The following PRKRIP1 variants were observed in gnomAD, a reference collection of about 807,000 sequenced individuals.
PRKRIP1 encodes PRKR interacting protein 1.
Under a neutral mutation model 29.3 loss-of-function variants are expected in PRKRIP1, and 29 were observed. That is an observed-to-expected ratio of 0.99 (90% confidence interval 0.74 to 1.35). The LOEUF is 1.35. Ranked by LOEUF, PRKRIP1 falls within the 40% of genes most tolerant of loss-of-function variation. PRKRIP1 has a pLI of 0.00. For missense variants in PRKRIP1, 247 were observed against 236.8 expected (o/e 1.04, Z -0.28); for synonymous variants, 90 against 85.1 (o/e 1.06, Z -0.32).
At chr7:102,398,751 A>G (rs1795986090) in intron 2 of PRKRIP1, among the ~76,000 whole-genome samples, 2 of 152,218 alleles carry the variant, frequency 1.3e-5, no homozygotes, top group Non-Finnish European at 1.5e-5. Context: ...AAAGGGAATC[A>G]TGTAAATTCT....
intron 3 of PRKRIP1, among the ~76,000 whole-genome samples, chr7:102,402,364 G>GA (rs1563613363): frequency 6.6e-6 from 1 of 151,854 alleles, no homozygotes; most frequent in Non-Finnish European, 1.5e-5. Flanking sequence ...CTTGAGCCTG[G>GA]ACGGTCAAGG....
rs539781167 is a variant in PRKRIP1 at position 102,405,549 on chromosome 7, C to A, written c.392+866C>A. ...GGCTGAGGCTGCAGTGAGTTATGAT[C>A]GCACCACTACACTCCAGCCTGGGTG... On this transcript the variant is annotated intron_variant, in intron 4 of 5. Coordinates refer to ENST00000397912, the MANE Select transcript of PRKRIP1 (RefSeq NM_024653.4). 5.6e-4 allele frequency among the ~76,000 whole-genome samples: 85 copies of A among 152,224 alleles called. 3 individuals carry two copies. In the South Asian group the frequency reaches 0.017, roughly 31 times the overall value.
chr7:102,399,635 C>T lies in PRKRIP1; in HGVS notation c.293C>T (p.Ala98Val). Residue 98 changes from alanine (A) to valine (V), a missense_variant, in exon 3 of 6, where the codon GCC becomes GTC. Ala to Val is a moderately conservative substitution (Grantham distance 64). Transcript: ENST00000397912. ...TATCAGCGACAGGACTACATGGATGCCATGGCTGAGAAGGTCAGTGAGCCA... is the reference window on the plus strand; with the variant it reads ...TATCAGCGACAGGACTACATGGATGTCATGGCTGAGAAGGTCAGTGAGCCA... ...REYQRQDYMD[A>V]MAEKQKLDAE... 8 of 1,613,140 alleles carry T rather than the reference C, an allele frequency of 5.0e-6. No individual in the cohort carries two copies. Among genetic ancestry groups the T allele is most frequent in the Non-Finnish European group, 6.8e-6 (8 of 1,179,204 alleles).
At chr7:102,397,543 C>G in intron 1 of PRKRIP1, 77 bp from the exon 2 acceptor site, 1 of 1,191,792 alleles carries the variant, frequency 8.4e-7, no homozygotes, top group Non-Finnish European at 1.2e-6. Flanking sequence ...AAGAACCTGT[C>G]TCTAAAAAAA....
chr7:102,400,978 G>A (rs1554571114), intron 3 of PRKRIP1, among the ~76,000 whole-genome samples: 1 of 152,154 alleles, frequency 6.6e-6, no homozygotes, highest in Non-Finnish European at 1.5e-5. Context: ...ACACAAATAT[G>A]AAACCCTATT....
Position 102,398,852 on chromosome 7 carries a change from A to T in PRKRIP1, c.206-696A>T, listed in dbSNP as rs529674249. On this transcript the variant is annotated intron_variant, in intron 2 of 5. Coordinates refer to ENST00000397912, the MANE Select transcript of PRKRIP1 (RefSeq NM_024653.4). The stretch of plus-strand genomic sequence containing the variant: ...ATGTCTTTAAAAAGCAACATAGGCC[A>T]GGCACGGTGGCTCGTGCCTGTAATC... Among the ~76,000 whole-genome samples, 552 of 152,344 alleles carry T rather than the reference A, an allele frequency of 3.6e-3. 4 individuals are homozygous for T. Among genetic ancestry groups the T allele is most frequent in the South Asian group, 6.2e-3 (30 of 4,832 alleles).
rs374511280 is a variant in PRKRIP1 at position 102,399,646 on chromosome 7, A to C, written c.304A>C (p.Lys102Gln). 2.2e-5 allele frequency: 35 copies of C among 1,611,558 alleles called. No individual in the cohort carries two copies. The highest frequency in any genetic ancestry group is 2.8e-5 in the Non-Finnish European group (33 of 1,177,834). ...RQDYMDAMAE[K>Q]QKLDAEFQKR... ...GGACTACATGGATGCCATGGCTGAG[A>C]AGGTCAGTGAGCCAGAAGGCTGGCT... The change falls in exon 3 of 6, where the codon AAG becomes CAG. Residue 102 changes from lysine to glutamine, a missense_variant and splice_region_variant. Around this residue, in one of 3 missense-constraint regions of PRKRIP1, gnomAD observed 134 missense variants for 126.6 expected, o/e 1.06. Coordinates refer to ENST00000397912, the MANE Select transcript of PRKRIP1 (RefSeq NM_024653.4).
chr7:102,421,466 C>T (rs1554573731), intron 5 of PRKRIP1, among the ~76,000 whole-genome samples: 6 of 151,592 alleles, frequency 4.0e-5, no homozygotes. Context: ...GTGATCACAC[C>T]ACTGCACTCC....
chr7:102,415,357 C>A (rs1445803316), intron 5 of PRKRIP1, among the ~76,000 whole-genome samples: 3 of 152,236 alleles, frequency 2.0e-5, no homozygotes, highest in Non-Finnish European at 4.4e-5. Context: ...CCACTTCAGC[C>A]TCCCAAGTAG....
chr7:102,421,369 A>C (rs1434745797), intron 5 of PRKRIP1, among the ~76,000 whole-genome samples: 1 of 151,112 alleles, frequency 6.6e-6, no homozygotes, highest in Non-Finnish European at 1.5e-5. Context: ...CATGGTTGAG[A>C]CCTCGTCTCT....
At chr7:102,417,727 C>G (rs1175640496) in intron 5 of PRKRIP1, among the ~76,000 whole-genome samples, 2 of 150,572 alleles carry the variant, frequency 1.3e-5, no homozygotes, top group Admixed American at 1.3e-4. Context: ...AAACAATCCT[C>G]TCGCCTCAGC....
rs1164770410 is a variant in PRKRIP1 at position 102,426,631 on chromosome 7, G to A, written c.*1520G>A. 6.5e-6 allele frequency: 1 copy of A among 152,768 alleles called. No homozygotes were observed. Among genetic ancestry groups the A allele is most frequent in the Non-Finnish European group, 1.5e-5 (1 of 68,132 alleles). 9.5% of individuals were successfully genotyped at this position (152,768 alleles called of 1,614,324 possible). On this transcript the variant is annotated 3_prime_UTR_variant, in exon 6 of 6. Coordinates refer to ENST00000397912, the MANE Select transcript of PRKRIP1 (RefSeq NM_024653.4). ...CTTTCCCAGGAAGCGGACACGGAGA[G>A]TCAGCCCTAATAAATGAGCACATGC... is the stretch of plus-strand genomic sequence containing the variant.
Position 102,421,689 on chromosome 7 carries a change from T to C in PRKRIP1, c.458-3325T>C, listed in dbSNP as rs186605238. Among the ~76,000 whole-genome samples, 964 of 151,954 alleles carry C rather than the reference T, an allele frequency of 6.3e-3. 11 individuals carry two copies. Among genetic ancestry groups the C allele is most frequent in the African/African-American group, 0.022 (891 of 41,418 alleles). ...TCACACACCTGTAGTCCCAGCTACT[T>C]GGGAGGCTGAGGCAGGAGAATTGCT... On this transcript the variant is annotated intron_variant, in intron 5 of 5. Transcript: ENST00000397912.
At chr7:102,409,525 C>T (rs1796321355) in intron 5 of PRKRIP1, among the ~76,000 whole-genome samples, 1 of 151,970 alleles carries the variant, frequency 6.6e-6, no homozygotes, top group Admixed American at 6.6e-5. Flanking sequence ...CCCATCTCTA[C>T]AAACAGTAAA....
At chr7:102,424,143 T>C (rs6465863) in intron 5 of PRKRIP1, among the ~76,000 whole-genome samples, 150,759 of 152,406 alleles carry the variant, frequency 0.99, 74,581 homozygotes, top group Middle Eastern at 1. Context: ...GCTGTGCCTT[T>C]GGCTGTGCAG....
At chr7:102,397,847 C>A in intron 2 of PRKRIP1, 149 bp downstream of exon 2, 1 of 604,108 alleles carries the variant, frequency 1.7e-6, no homozygotes, top group South Asian at 2.3e-5. Flanking sequence ...AGATCGAGAC[C>A]ATCCTGGCTA....
intron 3 of PRKRIP1, among the ~76,000 whole-genome samples, chr7:102,400,157 G>A (rs2410989): frequency 0.81 from 122,917 of 151,890 alleles, 49,859 homozygotes; most frequent in Middle Eastern, 0.86. Flanking sequence ...TAAAAATACA[G>A]AAATTAGCTG....
At chr7:102,415,963 T>G (rs1346645774) in intron 5 of PRKRIP1, among the ~76,000 whole-genome samples, 3 of 152,266 alleles carry the variant, frequency 2.0e-5, no homozygotes, top group African/African-American at 7.2e-5. Flanking sequence ...CTGCATGTGC[T>G]TAGGCTGCCT....
intron 5 of PRKRIP1, among the ~76,000 whole-genome samples, chr7:102,419,038 G>A (rs937537484): frequency 4.6e-5 from 7 of 152,136 alleles, no homozygotes; most frequent in Admixed American, 2.0e-4. Context: ...AGGTCATTTC[G>A]TACATTTATG....
Sources: allele counts gnomAD v4.1 joint callset (sites outside exome capture counted in the v4.1 genomes callset), GRCh38; gene constraint gnomAD v4.1.1; regional missense constraint gnomAD v4.1.1; transcripts MANE v1.5; gene names NCBI Gene and HGNC (gene_info 2026-07-23, HGNC 2026-07-21).